CTSB: variants seen among roughly 807,000 people sequenced by gnomAD.
CTSB encodes APP secretase.
CTSB carries 57 observed loss-of-function variants against 44.3 expected under a neutral mutation model. That is an observed-to-expected ratio of 1.29 (90% CI 1.04 to 1.60). The LOEUF (loss-of-function observed/expected upper bound fraction) is 1.60, where lower values mean the gene tolerates loss of function less well. Among genes scored for constraint, CTSB ranks in the 40% most tolerant of loss-of-function variants. CTSB has a pLI of 0.00. For synonymous variants in CTSB, 320 were observed against 168.0 expected, an observed-to-expected ratio of 1.91 and a Z score of -7.00; for missense variants, 768 against 443.0, an observed-to-expected ratio of 1.73 and a Z score of -6.59.
At chr8:11,854,758 G>C (rs1343506218) in intron 1 of CTSB, 1 of 152,350 alleles carries the variant, frequency 6.6e-6, no homozygotes, top group African/African-American at 2.4e-5. Flanking sequence ...TGGGATTACA[G>C]GTGTGAGCCA....
At chr8:11,847,987 T>C in intron 6 of CTSB, 80 bp downstream of exon 6, 1 of 1,400,286 alleles carries the variant, frequency 7.1e-7, no homozygotes, top group Non-Finnish European at 9.9e-7. Context: ...ACCCCCAGTT[T>C]ATAAAGGCAA....
At chr8:11,857,905 G>A (rs1395548848) in intron 1 of CTSB, 3 of 137,096 alleles carry the variant, frequency 2.2e-5, no homozygotes, top group South Asian at 4.6e-4. Context: ...CCTCCCCTAT[G>A]GTATCCAGGT....
chr8:11,847,509 G>A (rs1813623063), intron 7 of CTSB, among the ~76,000 whole-genome samples, 170 bp downstream of exon 7: 1 of 152,328 alleles, frequency 6.6e-6, no homozygotes, highest in East Asian at 1.9e-4. Flanking sequence ...CAGGCAGAAA[G>A]TGGAGAGTGT....
At chr8:11,859,540 C>T (rs1401364549) in intron 1 of CTSB, among the ~76,000 whole-genome samples, 1 of 152,108 alleles carries the variant, frequency 6.6e-6, no homozygotes, top group Non-Finnish European at 1.5e-5. Context: ...GCAGGCGGAT[C>T]ACCTGAGGTC....
chr8:11,850,619 G>C (rs188778372), intron 4 of CTSB: 5 of 347,604 alleles, frequency 1.4e-5, no homozygotes, highest in Admixed American at 1.2e-4. Context: ...GTCAGGGAAA[G>C]GGAGCTGCTT....
At chr8:11,849,009 A>T in intron 5 of CTSB, 37 bp downstream of exon 5, 1 of 1,512,088 alleles carries the variant, frequency 6.6e-7, no homozygotes, top group Non-Finnish European at 9.2e-7. Context: ...AGGGTCTCTC[A>T]GCACTAAACC....
chr8:11,845,503 A>G (rs1813122844), intron 9 of CTSB, among the ~76,000 whole-genome samples, 158 bp downstream of exon 9: 1 of 152,178 alleles, frequency 6.6e-6, no homozygotes, highest in African/African-American at 2.4e-5. Context: ...TCACAGCAAA[A>G]GGGAACTCCT....
chr8:11,852,577 A>G, intron 3 of CTSB, 33 bp downstream of exon 3: 6 of 1,568,534 alleles, frequency 3.8e-6, no homozygotes, highest in South Asian at 1.1e-5. Context: ...CCTGCCACTC[A>G]CATTACAGCG....
chr8:11,853,727 C>T (rs1464630333), intron 1 of CTSB: 6 of 427,696 alleles, frequency 1.4e-5, no homozygotes, highest in African/African-American at 4.0e-5. Flanking sequence ...CTGTGCTGGA[C>T]GAGACCGAGT....
rs541182476 is a variant in CTSB at position 11,848,437 on chromosome 8, G to C, written c.447-285C>G. 2.2e-4 allele frequency: 120 copies of C among 535,820 alleles called. 2 individuals carry two copies. The Middle Eastern group carries it at 4.2e-3, about 19-fold the overall frequency. 33.2% of individuals were successfully genotyped at this position (535,820 alleles called of 1,614,324 possible). On this transcript the variant is annotated intron_variant, in intron 5 of 9. Transcript: ENST00000353047. The stretch of plus-strand genomic sequence containing the variant: ...CAGACCAGGCTACGAGTGCCCTTCC[G>C]GGTAGAACACTGATTCTCAACTGAG...
intron 4 of CTSB, chr8:11,849,987 G>A (rs1586120251): frequency 6.6e-6 from 1 of 152,360 alleles, no homozygotes; most frequent in African/African-American, 2.4e-5. Context: ...AGAAAGTAGA[G>A]TGGGGCTTAC....
At chr8:11,866,847 C>T (rs926251102) in intron 1 of CTSB, among the ~76,000 whole-genome samples, 1 of 152,182 alleles carries the variant, frequency 6.6e-6, no homozygotes, top group Non-Finnish European at 1.5e-5. Flanking sequence ...GAGACAGAGC[C>T]AGCCAACGCC....
chr8:11,852,002 C>T (rs1814669602), intron 3 of CTSB, among the ~76,000 whole-genome samples: 1 of 152,106 alleles, frequency 6.6e-6, no homozygotes, highest in South Asian at 2.1e-4. Flanking sequence ...TTAAATTACT[C>T]AAGATTGAGT....
At chr8:11,860,601 G>C (rs1264199530) in intron 1 of CTSB, among the ~76,000 whole-genome samples, 1 of 152,108 alleles carries the variant, frequency 6.6e-6, no homozygotes, top group Admixed American at 6.6e-5. Context: ...TCCACCTTGG[G>C]CAACAAGAGG....
At chr8:11,846,052 TC>T (rs1295780453) in intron 8 of CTSB, 2 of 298,388 alleles carry the variant, frequency 6.7e-6, no homozygotes, top group Non-Finnish European at 1.2e-5. Context: ...AAATAGAATT[TC>T]TAATACATTC....
rs1586128045 is a variant in CTSB, at chr8:11,850,885, C to T, written c.308G>A (p.Gly103Asp). The stretch of plus-strand genomic sequence containing the variant: ...CCTTACCCAGCAGGAGCCACAGGAG[C>T]CCTGGTCTCTGATCTCTTTGATGGT... ...CPTIKEIRDQ[G>D]SCGSCWAFGA... is the part of the protein sequence containing the mutation. The change falls in exon 4 of 10, where the codon GGC (glycine) becomes GAC (aspartate). Residue 103 changes from glycine to aspartate, a missense_variant. Physicochemically the swap from Gly to Asp is moderately conservative, Grantham distance 94. Coordinates refer to ENST00000353047, the MANE Select transcript of CTSB (RefSeq NM_001908.5). 6.2e-7 allele frequency: 1 copy of T among 1,613,160 alleles called. No individual in the cohort carries two copies.
chr8:11,850,653 C>A (rs969040280), intron 4 of CTSB: 5 of 432,324 alleles, frequency 1.2e-5, no homozygotes, highest in Non-Finnish European at 1.7e-5. Context: ...CGTGGACTTG[C>A]AATCTGCTGG....
At chr8:11,865,733 C>G (rs531671529) in intron 1 of CTSB, 1 of 151,138 alleles carries the variant, frequency 6.6e-6, no homozygotes, top group South Asian at 2.1e-4. Flanking sequence ...ACCCCTCCAC[C>G]GCGCGGTGGC....
chr8:11,845,823 G>T lies in CTSB; in HGVS notation c.794-34C>A, dbSNP rs200640071. On this transcript the variant is annotated intron_variant, in intron 8 of 9. Transcript: ENST00000353047. ...GGAAGAACTGGCTGAGACCGAGACC[G>T]GGCCACTGTCCCACGCCCCACAGCA... 10 of 1,587,424 alleles carry T rather than the reference G, an allele frequency of 6.3e-6. No individual in the cohort carries two copies. In the South Asian group the frequency reaches 1.0e-4, roughly 16 times the overall value.
Sources: gnomAD v4.1 joint callset for allele counts (sites outside exome capture counted in the v4.1 genomes callset) on GRCh38, gnomAD v4.1.1 for gene constraint, MANE v1.5 for transcripts, NCBI Gene and HGNC (gene_info 2026-07-23, HGNC 2026-07-21) for gene names.